Variants in ATRNL1 observed in about 807,000 individuals in gnomAD.
ATRNL1 encodes the protein attractin like 1.
A neutral mutation model predicts 182.7 loss-of-function variants in ATRNL1; 95 were observed. The ratio of observed to expected loss-of-function variants is 0.52; its 90% CI spans 0.44 to 0.62. The LOEUF is 0.62. ATRNL1 is among the 20% of genes least tolerant of loss of function. The pLI, the probability that ATRNL1 is intolerant of heterozygous loss-of-function variation, is 0.00. For missense variants in ATRNL1, 1,471 were observed against 1,679.5 expected (o/e 0.88, Z 2.17); for synonymous variants, 576 against 568.3 (o/e 1.01, Z -0.19).
intron 19 of ATRNL1, among the ~76,000 whole-genome samples, chr10:115,368,166 C>T (rs887109483): frequency 1.3e-5 from 2 of 152,228 alleles, no homozygotes; most frequent in African/African-American, 4.8e-5. Context: ...GCTGTGCTAG[C>T]AATCAGCGAG....
intron 24 of ATRNL1, among the ~76,000 whole-genome samples, chr10:115,513,101 G>C (rs1355313669): frequency 6.6e-6 from 1 of 151,928 alleles, no homozygotes; most frequent in Non-Finnish European, 1.5e-5. Flanking sequence ...TATGGCCTAA[G>C]ACAATTCTTT....
At chr10:115,795,012 CT>C (rs1286554459) in intron 27 of ATRNL1, among the ~76,000 whole-genome samples, 5 of 152,072 alleles carry the variant, frequency 3.3e-5, no homozygotes, top group Admixed American at 2.0e-4. Context: ...TGAAAAGTCT[CT>C]ATATTCTTTG....
At chr10:115,616,449 G>A (rs1349242445) in intron 26 of ATRNL1, among the ~76,000 whole-genome samples, 3 of 152,134 alleles carry the variant, frequency 2.0e-5, no homozygotes, top group African/African-American at 7.2e-5. Context: ...GGGCAGGTAG[G>A]GGGATTCAAG....
chr10:115,513,407 C>T (rs1173282310), intron 24 of ATRNL1, among the ~76,000 whole-genome samples: 1 of 151,964 alleles, frequency 6.6e-6, no homozygotes, highest in Admixed American at 6.6e-5. Context: ...ATAGCACTTA[C>T]TGAGTTCCAA....
At chr10:115,333,470 A>G (rs529589257) in intron 18 of ATRNL1, among the ~76,000 whole-genome samples, 4 of 147,010 alleles carry the variant, frequency 2.7e-5, no homozygotes, top group Non-Finnish European at 5.9e-5. Flanking sequence ...ATTTATGCAA[A>G]TTAATTCAAA....
intron 5 of ATRNL1, among the ~76,000 whole-genome samples, chr10:115,142,551 T>A (rs1592158967): frequency 6.6e-6 from 1 of 152,170 alleles, no homozygotes; most frequent in African/African-American, 2.4e-5. Flanking sequence ...TTGTAGACCA[T>A]AGTGAGGATT....
rs372868398 is a variant in ATRNL1 at position 115,215,927 on chromosome 10, A to C, written c.1532+47A>C. ...TTTTCTATGTTGCCATTATTATTGT[A>C]AATGATTGACTTTAAAATGGTTTCT... On this transcript the variant is annotated intron_variant, in intron 9 of 28. Coordinates refer to ENST00000355044, the MANE Select transcript of ATRNL1 (RefSeq NM_207303.4). 2.2e-6 allele frequency: 3 copies of C among 1,364,176 alleles called. No individual in the cohort carries two copies. In the African/African-American group the frequency reaches 4.5e-5, roughly 21 times the overall value. 84.5% of individuals were successfully genotyped at this position (1,364,176 alleles called of 1,614,324 possible).
chr10:115,318,727 C>G (rs1425242943), intron 18 of ATRNL1, among the ~76,000 whole-genome samples: 1 of 152,002 alleles, frequency 6.6e-6, no homozygotes, highest in Admixed American at 6.6e-5. Flanking sequence ...TCTGTGGGGT[C>G]AGTGGTCATA....
chr10:115,904,528 A>C (rs1555114151), intron 28 of ATRNL1, among the ~76,000 whole-genome samples: 1 of 152,164 alleles, frequency 6.6e-6, no homozygotes, highest in Non-Finnish European at 1.5e-5. Flanking sequence ...CCCCCTCACA[A>C]GCTCTGAGAT....
chr10:115,242,687 C>CT (rs2133822218), intron 10 of ATRNL1, among the ~76,000 whole-genome samples: 1 of 152,084 alleles, frequency 6.6e-6, no homozygotes, highest in East Asian at 1.9e-4. Flanking sequence ...AAAGAAAACT[C>CT]TGACTATTAA....
chr10:115,873,146 G>C (rs1555106490), intron 28 of ATRNL1, among the ~76,000 whole-genome samples: 2 of 152,208 alleles, frequency 1.3e-5, no homozygotes, highest in Non-Finnish European at 2.9e-5. Context: ...TCATTTGTCT[G>C]TCTACCTGTT....
intron 5 of ATRNL1, among the ~76,000 whole-genome samples, chr10:115,146,158 C>G (rs1592164228): frequency 6.6e-6 from 1 of 151,876 alleles, no homozygotes; most frequent in East Asian, 1.9e-4. Flanking sequence ...CAGTTGAAAA[C>G]TGCAAAAAGA....
At chr10:115,882,272 A>C (rs1555108738) in intron 28 of ATRNL1, among the ~76,000 whole-genome samples, 2 of 152,140 alleles carry the variant, frequency 1.3e-5, no homozygotes, top group Non-Finnish European at 2.9e-5. Flanking sequence ...GGGTGCCCAC[A>C]CTAGTTAGGG....
At chr10:115,395,721 A>G (rs1004844725) in intron 20 of ATRNL1, among the ~76,000 whole-genome samples, 26 of 151,624 alleles carry the variant, frequency 1.7e-4, no homozygotes, top group Middle Eastern at 6.8e-3. Context: ...TTCATGAATG[A>G]TTTTTGTCTT....
At chr10:115,504,191 G>A (rs1849992943) in intron 24 of ATRNL1, among the ~76,000 whole-genome samples, 1 of 151,874 alleles carries the variant, frequency 6.6e-6, no homozygotes, top group South Asian at 2.1e-4. Flanking sequence ...GATTGTGTAT[G>A]AAAACTGAAA....
chr10:115,378,149 ATACGTGTGTGTT>A (rs1857781900), intron 19 of ATRNL1, among the ~76,000 whole-genome samples: 1 of 152,212 alleles, frequency 6.6e-6, no homozygotes, highest in Non-Finnish European at 1.5e-5. Flanking sequence ...CTGGGATATC[ATACGTGTGTGTT>A]TACTAGCACG....
intron 28 of ATRNL1, among the ~76,000 whole-genome samples, chr10:115,895,658 G>A (rs895787848): frequency 2.6e-5 from 4 of 152,136 alleles, no homozygotes; most frequent in Non-Finnish European, 5.9e-5. Context: ...ATATAAAAGC[G>A]AGTAAGACTC....
At chr10:115,432,113 T>C (rs1366160905) in intron 21 of ATRNL1, among the ~76,000 whole-genome samples, 2 of 152,180 alleles carry the variant, frequency 1.3e-5, no homozygotes, top group Non-Finnish European at 2.9e-5. Flanking sequence ...TTAATGTTAA[T>C]AAAACCTTTT....
At chr10:115,357,962 T>C (rs1280031332) in intron 19 of ATRNL1, among the ~76,000 whole-genome samples, 1 of 151,676 alleles carries the variant, frequency 6.6e-6, no homozygotes, top group Non-Finnish European at 1.5e-5. Flanking sequence ...AAGCATCTTC[T>C]TATTCCATCT....
Sources: allele counts gnomAD v4.1 joint callset (sites outside exome capture counted in the v4.1 genomes callset), GRCh38; gene constraint gnomAD v4.1.1; transcripts MANE v1.5; gene names NCBI Gene and HGNC (gene_info 2026-07-23, HGNC 2026-07-21).